The following TRIM33 variants were observed in gnomAD, a reference collection of about 807,000 sequenced individuals.
TRIM33 encodes the protein tripartite motif containing 33, also known as E3 ubiquitin-protein ligase TRIM33.
TRIM33 carries 20 observed loss-of-function variants against 125.4 expected under a neutral mutation model. That is an observed-to-expected ratio of 0.16 (90% CI 0.11 to 0.23). The LOEUF (loss-of-function observed/expected upper bound fraction) is 0.23. Among genes scored for constraint, TRIM33 ranks in the 10% least tolerant of loss-of-function variants. The pLI, the probability that TRIM33 is intolerant of heterozygous loss-of-function variation, is 1.00. For missense variants in TRIM33, 920 were observed against 1,411.4 expected, an observed-to-expected ratio of 0.65 and a Z score of 5.58; for synonymous variants, 564 against 513.9, an observed-to-expected ratio of 1.10 and a Z score of -1.32.
At position 114,397,172 on chromosome 1, in the gene TRIM33, T is replaced by C. The variant is rs1337291699; in HGVS notation, c.*476A>G. On this transcript the variant is annotated 3_prime_UTR_variant, in exon 20 of 20. Transcript: ENST00000358465. The stretch of plus-strand genomic sequence containing the variant: ...GACATTAAAGTAGAATCTGAGCTAC[T>C]TGGGTTTTTAACTAGAAAACAACCT... 4.3e-6 allele frequency: 1 copy of C among 231,022 alleles called. No homozygotes were observed. The highest frequency in any genetic ancestry group is 1.6e-4 in the South Asian group (1 of 6,370). 14.3% of individuals were successfully genotyped at this position (231,022 alleles called of 1,614,324 possible). A position where few individuals can be genotyped will look rare whatever the true frequency, so the allele number is the denominator to read the frequency against.
At chr1:114,467,212 T>C (rs1650356749) in intron 1 of TRIM33, among the ~76,000 whole-genome samples, 1 of 152,166 alleles carries the variant, frequency 6.6e-6, no homozygotes, top group Non-Finnish European at 1.5e-5. Flanking sequence ...AATCAGAGTA[T>C]CAATTGGACT....
intron 4 of TRIM33, chr1:114,460,119 TAA>T (rs1418405564): frequency 6.1e-6 from 1 of 165,198 alleles, no homozygotes. Context: ...GAGGACACTA[TAA>T]AGGTCAGCAA....
At chr1:114,417,779 C>T (rs924811340) in intron 11 of TRIM33, among the ~76,000 whole-genome samples, 4 of 152,194 alleles carry the variant, frequency 2.6e-5, no homozygotes, top group East Asian at 3.9e-4. Flanking sequence ...CTGCCTCAGC[C>T]TCCCAAATAG....
chr1:114,421,487 T>C lies in TRIM33; in HGVS notation c.2010A>G (p.Ser670=). The change falls in exon 11 of 20, where the codon TCA becomes TCG. Residue 670 remains serine (S), a synonymous_variant. Coordinates refer to ENST00000358465, the MANE Select transcript of TRIM33 (RefSeq NM_015906.4). The part of the protein sequence containing the change: ...PSVTAIELIP[S]VTNPENLPSL... ...ATGGAAGGTTTTCTGGATTGGTAAC[T>C]GAGGGGATTAGCTCTATTGCTGTAA... 1 of 1,614,166 alleles carries C rather than the reference T, an allele frequency of 6.2e-7. No homozygotes were observed. The highest frequency in any genetic ancestry group is 2.2e-5 in the East Asian group (1 of 44,878).
chr1:114,466,904 T>C (rs566260751), intron 1 of TRIM33, among the ~76,000 whole-genome samples: 21 of 152,366 alleles, frequency 1.4e-4, no homozygotes, highest in Non-Finnish European at 5.9e-5. Context: ...GCCAGATCAG[T>C]TAACTCTTCA....
In TRIM33 at chr1:114,481,707, T is replaced by A. The variant is rs552785239; in HGVS notation, c.527-17319A>T. Among the ~76,000 whole-genome samples the A allele has an allele frequency of 1.7e-4, 25 of 151,302 alleles. 1 individual carries two copies. The highest frequency in any genetic ancestry group is 3.1e-4 in the Non-Finnish European group (21 of 67,862). On this transcript the variant is annotated intron_variant, in intron 1 of 19. Coordinates refer to ENST00000358465, the MANE Select transcript of TRIM33 (RefSeq NM_015906.4). ...TATATATATGTGTGTATATATATAT[T>A]TTTTTATATTGGTTTTTTCCTCCCC...
intron 13 of TRIM33, 78 bp downstream of exon 13, chr1:114,408,599 T>C: frequency 1.1e-6 from 1 of 923,802 alleles, no homozygotes; most frequent in Non-Finnish European, 1.7e-6. Flanking sequence ...AGGGGTTCAC[T>C]GTAATATTCT....
chr1:114,434,434 C>A (rs1223654604), intron 4 of TRIM33, among the ~76,000 whole-genome samples: 2 of 152,176 alleles, frequency 1.3e-5, no homozygotes, highest in Non-Finnish European at 2.9e-5. Context: ...CATGTACTGT[C>A]AAACTTTCCA....
rs12083584 is a variant in TRIM33 at position 114,430,807 on chromosome 1, T to C, written c.1146A>G (p.Gln382=). 0.32 allele frequency: 492,747 copies of C among 1,553,772 alleles called. 82,467 individuals are homozygous for C. Among genetic ancestry groups the C allele is most frequent in the African/African-American group, 0.46 (33,541 of 73,566 alleles). The change falls in exon 6 of 20, where the codon CAA becomes CAG. Residue 382 remains glutamine (Q), a synonymous_variant. Transcript: ENST00000358465. ...TGGCTTTGAACCATACCTCTAGCTG[T>C]TGTAAGAGAGATTTTCCTTTCTTAT... ...EINKKGKSLL[Q]QLENVTKERQ...
chr1:114,429,112 A>C (rs1250348583), intron 6 of TRIM33, among the ~76,000 whole-genome samples: 1 of 152,016 alleles, frequency 6.6e-6, no homozygotes, highest in Admixed American at 6.6e-5. Flanking sequence ...GGGGGGAAAA[A>C]CCTATTAGGG....
chr1:114,472,504 G>T (rs762297384), intron 1 of TRIM33, among the ~76,000 whole-genome samples: 1 of 152,180 alleles, frequency 6.6e-6, no homozygotes, highest in African/African-American at 2.4e-5. Flanking sequence ...AGCCAGAGGC[G>T]GGCAGATCGC....
chr1:114,399,999 T>G (rs569284757), intron 17 of TRIM33, among the ~76,000 whole-genome samples: 1 of 152,260 alleles, frequency 6.6e-6, no homozygotes, highest in South Asian at 2.1e-4. Flanking sequence ...ATATGATGTC[T>G]TTTGGAAAAC....
chr1:114,406,839 T>C lies in TRIM33; in HGVS notation c.2418+102A>G, dbSNP rs544203561. On this transcript the variant is annotated intron_variant, in intron 14 of 19. Coordinates refer to ENST00000358465, the MANE Select transcript of TRIM33 (RefSeq NM_015906.4). ...TGTGCCAGGCATGAAATTTCAAAAA[T>C]AAATGTTTCTAGACCCACTACTTAG... The C allele has an allele frequency of 1.2e-4, 141 of 1,173,362 alleles. No individual in the cohort carries two copies. In the African/African-American group the frequency reaches 2.1e-3, roughly 17 times the overall value. 72.7% of individuals were successfully genotyped at this position (1,173,362 alleles called of 1,614,324 possible). A position where few individuals can be genotyped will look rare whatever the true frequency, so the allele number is the denominator to read the frequency against.
At chr1:114,486,493 A>G (rs1342510579) in intron 1 of TRIM33, among the ~76,000 whole-genome samples, 2 of 144,478 alleles carry the variant, frequency 1.4e-5, no homozygotes, top group East Asian at 4.1e-4. Context: ...GTGTCGTGGC[A>G]CCAAGATCAC....
intron 12 of TRIM33, among the ~76,000 whole-genome samples, chr1:114,409,432 T>C (rs1652443953): frequency 6.6e-6 from 1 of 152,196 alleles, no homozygotes. Flanking sequence ...CCTGCCCTTC[T>C]TTAGCTCTTA....
chr1:114,414,548 C>T (rs1456117476), intron 11 of TRIM33, among the ~76,000 whole-genome samples: 2 of 152,212 alleles, frequency 1.3e-5, no homozygotes, highest in Non-Finnish European at 2.9e-5. Flanking sequence ...TCTTACCCCG[C>T]TTCCAGGTTT....
intron 4 of TRIM33, among the ~76,000 whole-genome samples, chr1:114,443,591 A>G (rs1648794795): frequency 6.6e-6 from 1 of 152,224 alleles, no homozygotes; most frequent in Non-Finnish European, 1.5e-5. Flanking sequence ...ATATCATTCA[A>G]GTAACTACCA....
chr1:114,445,345 C>A (rs1184836994), intron 4 of TRIM33, among the ~76,000 whole-genome samples: 2 of 152,256 alleles, frequency 1.3e-5, no homozygotes, highest in Non-Finnish European at 1.5e-5. Flanking sequence ...TCAAGCGATC[C>A]TCCCACCTCA....
chr1:114,406,585 A>T (rs987409716), intron 14 of TRIM33, among the ~76,000 whole-genome samples: 1 of 152,226 alleles, frequency 6.6e-6, no homozygotes, highest in Admixed American at 6.5e-5. Flanking sequence ...CTGAGCTCAC[A>T]GGTCCAGGAG....
Sources: allele counts gnomAD v4.1 joint callset (sites outside exome capture counted in the v4.1 genomes callset), GRCh38; gene constraint gnomAD v4.1.1; transcripts MANE v1.5; gene names NCBI Gene and HGNC (gene_info 2026-07-23, HGNC 2026-07-21).